Variants in ARSB observed in about 807,000 individuals in gnomAD.
The protein encoded by ARSB is arylsulfatase B.
A neutral mutation model predicts 50.9 loss-of-function variants in ARSB; 41 were observed. That is an observed-to-expected ratio of 0.81 (90% CI 0.63 to 1.04). The LOEUF is 1.04. ARSB is among the 50% of genes least tolerant of loss of function. The pLI is 0.00. For missense variants in ARSB, 672 were observed against 693.3 expected (o/e 0.97, Z 0.35); for synonymous variants, 269 against 284.8 (o/e 0.94, Z 0.56).
At chr5:78,950,296 T>C (rs1440538184) in intron 4 of ARSB, among the ~76,000 whole-genome samples, 2 of 152,122 alleles carry the variant, frequency 1.3e-5, no homozygotes, top group Admixed American at 1.3e-4. Context: ...CTTGGAAACA[T>C]GTCCAGAAAC....
chr5:78,882,477 G>C (rs986608812), intron 5 of ARSB, among the ~76,000 whole-genome samples: 2 of 152,110 alleles, frequency 1.3e-5, no homozygotes, highest in African/African-American at 4.8e-5. Context: ...ATATCTAAGG[G>C]AAAAAGTCCA....
Position 78,928,196 on chromosome 5 carries a change from C to T in ARSB, c.898+27099G>A, listed in dbSNP as rs191119817. 2.0e-4 allele frequency among the ~76,000 whole-genome samples: 30 copies of T among 151,706 alleles called. 1 individual carries two copies. In the East Asian group the frequency reaches 5.4e-3, roughly 28 times the overall value. ...AACAGCCAAGCAAACCCCATGGCCA[C>T]ATGCTAGACTGCTTCCCCACTGCCC... is the stretch of plus-strand genomic sequence containing the variant. On this transcript the variant is annotated intron_variant, in intron 4 of 7. Transcript: ENST00000264914.
intron 6 of ARSB, among the ~76,000 whole-genome samples, chr5:78,831,500 T>A (rs922854878): frequency 7.9e-5 from 12 of 152,012 alleles, no homozygotes; most frequent in Admixed American, 7.9e-4. Context: ...TTTAAATGAG[T>A]CATGTCCCAT....
chr5:78,909,176 A>G lies in ARSB; in HGVS notation c.899-23349T>C, dbSNP rs111766264. 4.1e-3 allele frequency among the ~76,000 whole-genome samples: 631 copies of G among 152,336 alleles called. 5 individuals carry two copies. The highest frequency in any genetic ancestry group is 0.014 in the African/African-American group (587 of 41,568). On this transcript the variant is annotated intron_variant, in intron 4 of 7. Transcript: ENST00000264914. ...GGTCAAAGTTTCCTCACTTAGGACC[A>G]TGTGCCCTTATCCTCTTCTTCATCA...
intron 6 of ARSB, among the ~76,000 whole-genome samples, chr5:78,816,392 TC>T (rs1418578542): frequency 6.6e-6 from 1 of 152,198 alleles, no homozygotes. Context: ...GGAGAATATT[TC>T]CCTTCTGTGT....
chr5:78,933,786 G>C (rs987716204), intron 4 of ARSB, among the ~76,000 whole-genome samples: 1 of 152,196 alleles, frequency 6.6e-6, no homozygotes, highest in African/African-American at 2.4e-5. Context: ...TGGCAACGGG[G>C]AGTTAAAGTT....
intron 4 of ARSB, among the ~76,000 whole-genome samples, chr5:78,893,801 G>A (rs895413984): frequency 4.6e-5 from 7 of 152,226 alleles, no homozygotes; most frequent in Non-Finnish European, 8.8e-5. Flanking sequence ...CCCCTGACAA[G>A]TAGCACAGAA....
At chr5:78,940,720 A>G (rs1303021012) in intron 4 of ARSB, among the ~76,000 whole-genome samples, 1 of 152,218 alleles carries the variant, frequency 6.6e-6, no homozygotes, top group Non-Finnish European at 1.5e-5. Context: ...AGGTAGTGTG[A>G]TGCCTCCAGC....
intron 6 of ARSB, among the ~76,000 whole-genome samples, chr5:78,809,523 A>G (rs1156643673): frequency 6.6e-6 from 1 of 152,258 alleles, no homozygotes; most frequent in Non-Finnish European, 1.5e-5. Flanking sequence ...ATCCTGGAGC[A>G]CGTTCAGGGA....
chr5:78,944,523 T>A (rs1474377405), intron 4 of ARSB, among the ~76,000 whole-genome samples: 2 of 152,318 alleles, frequency 1.3e-5, no homozygotes, highest in South Asian at 2.1e-4. Context: ...GCAGGTCTGT[T>A]GGAGTTTGCT....
intron 6 of ARSB, among the ~76,000 whole-genome samples, chr5:78,823,251 C>T (rs1362379405): frequency 6.6e-6 from 1 of 152,200 alleles, no homozygotes; most frequent in African/African-American, 2.4e-5. Context: ...GGGCAAGATG[C>T]TCTGTGTCCC....
At chr5:78,948,189 ATATACT>A (rs1751333411) in intron 4 of ARSB, among the ~76,000 whole-genome samples, 1 of 152,164 alleles carries the variant, frequency 6.6e-6, no homozygotes, top group African/African-American at 2.4e-5. Flanking sequence ...GGGTACACAA[ATATACT>A]TAGATAGAAT....
chr5:78,962,278 T>C (rs1240530580), intron 3 of ARSB, among the ~76,000 whole-genome samples: 2 of 152,250 alleles, frequency 1.3e-5, no homozygotes, highest in Admixed American at 1.3e-4. Context: ...ATGTCAAATA[T>C]GTAGAAGAAA....
At chr5:78,977,871 C>A (rs750919455) in intron 1 of ARSB, among the ~76,000 whole-genome samples, 2 of 152,076 alleles carry the variant, frequency 1.3e-5, no homozygotes, top group African/African-American at 2.4e-5. Context: ...GCAAAATGAT[C>A]AATGTACATA....
At chr5:78,973,587 A>G (rs1343690394) in intron 1 of ARSB, among the ~76,000 whole-genome samples, 2 of 152,188 alleles carry the variant, frequency 1.3e-5, no homozygotes, top group Non-Finnish European at 2.9e-5. Flanking sequence ...AGAAAATCCA[A>G]TCTCTTGCTG....
chr5:78,859,076 G>T (rs1028971939), intron 5 of ARSB, among the ~76,000 whole-genome samples: 1 of 152,168 alleles, frequency 6.6e-6, no homozygotes, highest in Non-Finnish European at 1.5e-5. Context: ...ACTCCTTACA[G>T]GACTTATTTC....
At chr5:78,908,864 C>T (rs1230931136) in intron 4 of ARSB, among the ~76,000 whole-genome samples, 2 of 151,778 alleles carry the variant, frequency 1.3e-5, no homozygotes, top group Non-Finnish European at 2.9e-5. Flanking sequence ...GGGTTTTTAA[C>T]TCATTGGGGG....
chr5:78,838,768 A>G (rs1166603724), intron 6 of ARSB, among the ~76,000 whole-genome samples: 1 of 152,208 alleles, frequency 6.6e-6, no homozygotes, highest in East Asian at 1.9e-4. Flanking sequence ...GTGATCTGGA[A>G]GCACTACATG....
chr5:78,802,074 G>C (rs1029694708), intron 6 of ARSB, among the ~76,000 whole-genome samples: 3 of 151,582 alleles, frequency 2.0e-5, no homozygotes, highest in African/African-American at 7.3e-5. Flanking sequence ...ACGAAGCTCT[G>C]TTCATCCAGT....
Sources: gnomAD v4.1 joint callset for allele counts (sites outside exome capture counted in the v4.1 genomes callset) on GRCh38, gnomAD v4.1.1 for gene constraint, MANE v1.5 for transcripts, NCBI Gene and HGNC (gene_info 2026-07-23, HGNC 2026-07-21) for gene names.